The following PTPRE variants were observed in gnomAD, a reference collection of about 807,000 sequenced individuals.
The protein encoded by PTPRE is receptor-type tyrosine-protein phosphatase epsilon.
Under a neutral mutation model 102.0 loss-of-function variants are expected in PTPRE, and 51 were observed. The observed-to-expected ratio is 0.50, with a 90% CI of 0.40 to 0.63. The LOEUF (loss-of-function observed/expected upper bound fraction) is 0.63. PTPRE is among the 30% of genes least tolerant of loss of function. The pLI is 0.00. For synonymous variants in PTPRE, 345 were observed against 348.2 expected (o/e 0.99, Z 0.10); for missense variants, 752 against 915.1 (o/e 0.82, Z 2.30).
chr10:127,983,799 C>G (rs1851838997), intron 2 of PTPRE, among the ~76,000 whole-genome samples: 2 of 152,210 alleles, frequency 1.3e-5, no homozygotes, highest in Non-Finnish European at 2.9e-5. Context: ...CCTATTCCTC[C>G]CAGCAAGTTG....
At chr10:128,047,303 G>A (rs1590129311) in intron 3 of PTPRE, 87 bp from the exon 4 acceptor site, 1 of 1,503,042 alleles carries the variant, frequency 6.7e-7, no homozygotes, top group Non-Finnish European at 8.9e-7. Context: ...GGGTTCTGGT[G>A]TCCAGGAAGA....
chr10:128,001,599 A>G (rs1293945944), intron 2 of PTPRE, among the ~76,000 whole-genome samples: 1 of 152,168 alleles, frequency 6.6e-6, no homozygotes, highest in African/African-American at 2.4e-5. Flanking sequence ...GACCCCCAGT[A>G]CAGTGCACAG....
At position 128,008,217 on chromosome 10, in the gene PTPRE, G is replaced by A. The variant is rs369429477; in HGVS notation, c.-8+25921G>A. Among the ~76,000 whole-genome samples the A allele has an allele frequency of 1.3e-5, 2 of 151,896 alleles. No homozygotes were observed. Among genetic ancestry groups the A allele is most frequent in the South Asian group, 2.1e-4 (1 of 4,810 alleles). On this transcript the variant is annotated intron_variant, in intron 2 of 20. Transcript: ENST00000254667. This position sits in a 1 kb window ranked among gnomAD's most constrained non-coding sequence, Gnocchi z 4.0. ...TGTCTGCAGCCCCGCTGGCTCGTCC[G>A]CCCTCGCCTCCCTCCCTCCCTTTCA...
At chr10:128,019,156 G>C (rs1393912838) in intron 2 of PTPRE, among the ~76,000 whole-genome samples, 1 of 152,238 alleles carries the variant, frequency 6.6e-6, no homozygotes, top group Non-Finnish European at 1.5e-5. Context: ...TCGTGCAGCG[G>C]TTCCATCAGG....
chr10:128,081,135 C>A (rs1327884679), intron 20 of PTPRE, among the ~76,000 whole-genome samples: 4 of 120,290 alleles, frequency 3.3e-5, no homozygotes, highest in African/African-American at 1.3e-4. Context: ...TAACATTTGG[C>A]AGGGAGATTT....
At chr10:128,004,253 A>G (rs1854282868) in intron 2 of PTPRE, among the ~76,000 whole-genome samples, 1 of 151,490 alleles carries the variant, frequency 6.6e-6, no homozygotes, top group South Asian at 2.1e-4. Context: ...AGCGCAGTAC[A>G]TGTTGGTCCT....
chr10:128,075,212 T>C (rs1220336937), intron 17 of PTPRE, among the ~76,000 whole-genome samples: 2 of 152,250 alleles, frequency 1.3e-5, no homozygotes, highest in Non-Finnish European at 2.9e-5. Flanking sequence ...AGCTCAGGTA[T>C]TCCTTCTCCT....
At chr10:128,021,185 G>A (rs144957985) in intron 2 of PTPRE, among the ~76,000 whole-genome samples, 1,628 of 152,270 alleles carry the variant, frequency 0.011, 36 homozygotes, top group African/African-American at 0.037. Flanking sequence ...GCGAGCCACC[G>A]CGCCCGGCCG....
chr10:128,038,704 G>GC (rs1435905974), intron 2 of PTPRE, among the ~76,000 whole-genome samples: 8 of 152,220 alleles, frequency 5.3e-5, no homozygotes, highest in South Asian at 2.1e-4. Flanking sequence ...TATACCTAGT[G>GC]TAAATGACGA....
rs947082572 is a variant in PTPRE, at chr10:128,028,044, C to T, written c.-7-12831C>T. ...TGGCAGAGGCTTCAGGGGAGGGTTC[C>T]GGCTTTGGCTGGGGGCGTGGGAGTC... On this transcript the variant is annotated intron_variant, in intron 2 of 20. Coordinates refer to ENST00000254667, the MANE Select transcript of PTPRE (RefSeq NM_006504.6). The surrounding 1 kb of genome is among the most constrained non-coding windows in gnomAD (Gnocchi z 4.5). Among the ~76,000 whole-genome samples the T allele has an allele frequency of 7.2e-5, 11 of 152,208 alleles. No individual in the cohort carries two copies. The highest frequency in any genetic ancestry group is 2.1e-4 in the South Asian group (1 of 4,834).
chr10:127,907,204 G>T lies in PTPRE; in HGVS notation c.-136G>T. 1.0e-5 allele frequency: 10 copies of T among 963,732 alleles called. No individual in the cohort carries two copies. Among genetic ancestry groups the T allele is most frequent in the Non-Finnish European group, 1.2e-5 (10 of 810,960 alleles). The allele number at this position is 963,732 out of a possible 1,614,324, so 59.7% of individuals were successfully genotyped here. On this transcript the variant is annotated 5_prime_UTR_variant, in exon 1 of 21. Transcript: ENST00000254667. The surrounding 1 kb of genome is among the most constrained non-coding windows in gnomAD (Gnocchi z 4.8). ...GCGCGTCCCCGCGACCCTTCTTCGC[G>T]CCCGGCGAAGACAGCCGGGCGCCCC... is the stretch of plus-strand genomic sequence containing the variant.
intron 7 of PTPRE, among the ~76,000 whole-genome samples, chr10:128,059,245 G>A (rs1849289570): frequency 6.6e-6 from 1 of 152,222 alleles, no homozygotes; most frequent in Admixed American, 6.5e-5. Context: ...GCCAGTCCCT[G>A]AGCAGGAGGG....
At position 127,930,077 on chromosome 10, in the gene PTPRE, A is replaced by G. The variant is rs570684112; in HGVS notation, c.-31+22768A>G. ...ATTCCATCTCAAAAAAAAAAAAAAAAAAAGAAAGAAAGAAAACAAAAGCAT... is the reference window on the plus strand; with the variant it reads ...ATTCCATCTCAAAAAAAAAAAAAAAGAAAGAAAGAAAGAAAACAAAAGCAT... On this transcript the variant is annotated intron_variant, in intron 1 of 20. Coordinates refer to ENST00000254667, the MANE Select transcript of PTPRE (RefSeq NM_006504.6). 5.0e-3 allele frequency among the ~76,000 whole-genome samples: 755 copies of G among 151,692 alleles called. 5 individuals are homozygous for G. The highest frequency in any genetic ancestry group is 0.015 in the African/African-American group (636 of 41,312).
intron 1 of PTPRE, among the ~76,000 whole-genome samples, chr10:127,981,221 A>G (rs1203674004): frequency 6.6e-6 from 1 of 152,234 alleles, no homozygotes; most frequent in African/African-American, 2.4e-5. Context: ...AAGGCCACGT[A>G]TAGTGTGAGT....
intron 10 of PTPRE, among the ~76,000 whole-genome samples, chr10:128,063,551 G>C (rs997740032): frequency 6.6e-6 from 1 of 152,176 alleles, no homozygotes; most frequent in Non-Finnish European, 1.5e-5. Context: ...ATGATTTCGC[G>C]CTTATTATCC....
At chr10:127,996,577 C>T (rs992196963) in intron 2 of PTPRE, among the ~76,000 whole-genome samples, 1 of 152,244 alleles carries the variant, frequency 6.6e-6, no homozygotes, top group African/African-American at 2.4e-5. Context: ...TCACTGGAAC[C>T]CATGCCAGCC....
intron 2 of PTPRE, among the ~76,000 whole-genome samples, chr10:128,020,166 C>G (rs745898969): frequency 1.3e-5 from 2 of 152,182 alleles, no homozygotes; most frequent in Non-Finnish European, 2.9e-5. Flanking sequence ...AATTAATAAG[C>G]CCACACTTTT....
intron 2 of PTPRE, among the ~76,000 whole-genome samples, chr10:127,987,949 C>A (rs58672358): frequency 1.4e-4 from 22 of 152,332 alleles, no homozygotes; most frequent in African/African-American, 5.3e-4. Context: ...CCAGGGCCGG[C>A]ACTCTGTGTG....
rs538263117 is a variant in PTPRE at position 128,082,941 on chromosome 10, G to A, written c.*35G>A. On this transcript the variant is annotated 3_prime_UTR_variant, in exon 21 of 21. Coordinates refer to ENST00000254667, the MANE Select transcript of PTPRE (RefSeq NM_006504.6). The stretch of plus-strand genomic sequence containing the variant: ...CCTTAAAATATTTTTTAATTTAATG[G>A]TCAGTATATTTTGTAAAAATCATGT... 30 of 1,482,464 alleles carry A rather than the reference G, an allele frequency of 2.0e-5. No individual in the cohort carries two copies. The African/African-American group carries it at 3.5e-4, about 17-fold the overall frequency. 91.8% of individuals were successfully genotyped at this position (1,482,464 alleles called of 1,614,324 possible).
Sources: allele counts gnomAD v4.1 joint callset (sites outside exome capture counted in the v4.1 genomes callset), GRCh38; gene constraint gnomAD v4.1.1; non-coding constraint Gnocchi (gnomAD v3.1); transcripts MANE v1.5; gene names NCBI Gene and HGNC (gene_info 2026-07-23, HGNC 2026-07-21).